ELOVL5: variants seen among roughly 807,000 people sequenced by gnomAD.
ELOVL5 encodes ELOVL fatty acid elongase 5, also known as very long chain fatty acid elongase 5.
ELOVL5 carries 8 observed loss-of-function variants against 38.6 expected under a neutral mutation model. That is an observed-to-expected ratio of 0.21 (90% confidence interval 0.12 to 0.37). The LOEUF (loss-of-function observed/expected upper bound fraction) is 0.37. Among genes scored for constraint, ELOVL5 ranks in the 10% least tolerant of loss-of-function variants. The probability of loss-of-function intolerance (pLI) is 1.00; values close to 1 mark genes in which losing one functional copy is unlikely to be tolerated. For synonymous variants in ELOVL5, 127 were observed against 133.7 expected, an observed-to-expected ratio of 0.95 and a Z score of 0.34; for missense variants, 280 against 367.8, an observed-to-expected ratio of 0.76 and a Z score of 1.95.
chr6:53,286,765 G>T (rs1766585704), intron 3 of ELOVL5, among the ~76,000 whole-genome samples: 1 of 151,968 alleles, frequency 6.6e-6, no homozygotes, highest in Admixed American at 6.6e-5. Flanking sequence ...TATACTGACT[G>T]AAAAAAATCT....
chr6:53,273,402 TG>T, intron 5 of ELOVL5, 58 bp from the exon 6 acceptor site: 2 of 1,446,258 alleles, frequency 1.4e-6, no homozygotes, highest in Non-Finnish European at 1.8e-6. Context: ...ACAGAACAGG[TG>T]GTAAAAAAAA....
chr6:53,301,217 G>C (rs1434629701), intron 1 of ELOVL5, among the ~76,000 whole-genome samples: 1 of 152,134 alleles, frequency 6.6e-6, no homozygotes, highest in African/African-American at 2.4e-5. Flanking sequence ...GGCCTCACTG[G>C]TGCGGTTTCC....
chr6:53,318,416 T>C (rs567884941), intron 1 of ELOVL5, among the ~76,000 whole-genome samples: 1 of 152,354 alleles, frequency 6.6e-6, no homozygotes, highest in South Asian at 2.1e-4. Flanking sequence ...ATGGTTCATG[T>C]ACAGCATTTA....
At chr6:53,326,528 C>A (rs892989004) in intron 1 of ELOVL5, among the ~76,000 whole-genome samples, 3 of 152,234 alleles carry the variant, frequency 2.0e-5, no homozygotes, top group Middle Eastern at 3.4e-3. Context: ...CCGGCAGCTC[C>A]CAAGCAGGGA....
intron 1 of ELOVL5, among the ~76,000 whole-genome samples, chr6:53,309,685 G>A (rs976698973): frequency 6.6e-6 from 1 of 152,126 alleles, no homozygotes; most frequent in African/African-American, 2.4e-5. Flanking sequence ...CAGATGTTGT[G>A]GCTTCTATCT....
At chr6:53,272,611 AAT>A in intron 6 of ELOVL5, among the ~76,000 whole-genome samples, 1 of 152,330 alleles carries the variant, frequency 6.6e-6, no homozygotes, top group South Asian at 2.1e-4. Flanking sequence ...GGTTACCTAT[AAT>A]ATACTGATGA....
chr6:53,300,574 T>C (rs1767210732), intron 1 of ELOVL5, among the ~76,000 whole-genome samples: 1 of 152,138 alleles, frequency 6.6e-6, no homozygotes, highest in South Asian at 2.1e-4. Context: ...AGAGCCTGAA[T>C]GGTGACAGCA....
intron 1 of ELOVL5, among the ~76,000 whole-genome samples, chr6:53,335,725 T>C (rs1250798724): frequency 1.3e-5 from 2 of 152,184 alleles, no homozygotes; most frequent in African/African-American, 2.4e-5. Flanking sequence ...TACTTTTAGC[T>C]GCACATGGCC....
chr6:53,314,317 T>C (rs1421567971), intron 1 of ELOVL5, among the ~76,000 whole-genome samples: 1 of 152,190 alleles, frequency 6.6e-6, no homozygotes, highest in African/African-American at 2.4e-5. Context: ...GGAAAGCCAG[T>C]GATCAAATTA....
rs576765377 is a variant in ELOVL5, at chr6:53,334,086, A to G, written c.-9+14731T>C. Among the ~76,000 whole-genome samples, 21 of 152,342 alleles carry G rather than the reference A, an allele frequency of 1.4e-4. No homozygotes were observed. The East Asian group carries it at 3.9e-3, about 28-fold the overall frequency. On this transcript the variant is annotated intron_variant, in intron 1 of 7. Coordinates refer to ENST00000304434, the MANE Select transcript of ELOVL5 (RefSeq NM_021814.5). ...ACTGCAACCAAGTTAATTGTGAAGG[A>G]CAAAAAACTTCTGAAACCAAAAACT...
At chr6:53,342,927 G>C (rs9382198) in intron 1 of ELOVL5, among the ~76,000 whole-genome samples, 52,254 of 151,718 alleles carry the variant, frequency 0.34, 9,657 homozygotes, top group African/African-American at 0.49. Context: ...TAAATCCAGA[G>C]ACTACACAAT....
At chr6:53,314,582 G>C (rs568324093) in intron 1 of ELOVL5, among the ~76,000 whole-genome samples, 25 of 152,304 alleles carry the variant, frequency 1.6e-4, no homozygotes, top group Middle Eastern at 6.8e-3. Context: ...ACTATGGCAA[G>C]TGGTAGGGAC....
At chr6:53,323,745 G>C (rs1028199309) in intron 1 of ELOVL5, among the ~76,000 whole-genome samples, 1 of 151,916 alleles carries the variant, frequency 6.6e-6, no homozygotes, top group East Asian at 1.9e-4. Context: ...ACCACACCTG[G>C]TTAATTTTTG....
intron 1 of ELOVL5, among the ~76,000 whole-genome samples, chr6:53,319,150 A>C (rs1768178822): frequency 6.6e-6 from 1 of 151,918 alleles, no homozygotes; most frequent in African/African-American, 2.4e-5. Context: ...GGGCGCCTGT[A>C]GTCCCAGCTA....
chr6:53,309,357 T>C (rs1473809557), intron 1 of ELOVL5, among the ~76,000 whole-genome samples: 1 of 152,186 alleles, frequency 6.6e-6, no homozygotes, highest in African/African-American at 2.4e-5. Context: ...CATACATTCC[T>C]TGGAAGGAGG....
chr6:53,284,438 C>T (rs1007170874), intron 3 of ELOVL5, among the ~76,000 whole-genome samples: 32 of 152,044 alleles, frequency 2.1e-4, no homozygotes, highest in African/African-American at 7.2e-4. Flanking sequence ...CTGAAACTGT[C>T]GTAAGTTAAA....
rs186404769 is a variant in ELOVL5 at position 53,320,473 on chromosome 6, C to T, written c.-8-24766G>A. 6.4e-3 allele frequency among the ~76,000 whole-genome samples: 978 copies of T among 152,092 alleles called. 5 individuals are homozygous for T. The highest frequency in any genetic ancestry group is 0.014 in the Middle Eastern group (4 of 294). The stretch of plus-strand genomic sequence containing the variant: ...TGCCTCAGCCTCCGAGTAGCTGGGA[C>T]TACAAGCACCCACCACCGCGCCTGG... On this transcript the variant is annotated intron_variant, in intron 1 of 7. Transcript: ENST00000304434.
At chr6:53,336,169 T>A (rs1190872308) in intron 1 of ELOVL5, among the ~76,000 whole-genome samples, 1 of 152,216 alleles carries the variant, frequency 6.6e-6, no homozygotes, top group Non-Finnish European at 1.5e-5. Flanking sequence ...CTGAGTCTTT[T>A]TACTGGTAAC....
At chr6:53,320,260 T>C (rs1768242752) in intron 1 of ELOVL5, among the ~76,000 whole-genome samples, 2 of 152,094 alleles carry the variant, frequency 1.3e-5, no homozygotes, top group South Asian at 4.1e-4. Flanking sequence ...GAGGTTGCAG[T>C]GACCCAAGAC....
Sources: gnomAD v4.1 joint callset for allele counts (sites outside exome capture counted in the v4.1 genomes callset) on GRCh38, gnomAD v4.1.1 for gene constraint, MANE v1.5 for transcripts, NCBI Gene and HGNC (gene_info 2026-07-23, HGNC 2026-07-21) for gene names.